The following HPSE2 variants were observed in gnomAD, a reference collection of about 807,000 sequenced individuals.
HPSE2 encodes the protein heparanase 2 (inactive), also known as inactive heparanase-2.
A neutral mutation model predicts 60.5 loss-of-function variants in HPSE2; 38 were observed. The ratio of observed to expected loss-of-function variants is 0.63; its 90% CI spans 0.48 to 0.82. The LOEUF is 0.82. Ranked by LOEUF, HPSE2 falls within the 40% of genes least tolerant of loss-of-function variation. The probability of loss-of-function intolerance (pLI) is 0.00; values close to 1 mark genes in which losing one functional copy is unlikely to be tolerated. For synonymous variants in HPSE2, 295 were observed against 293.2 expected (o/e 1.01, Z -0.06); for missense variants, 713 against 740.4 (o/e 0.96, Z 0.43).
At chr10:99,011,342 T>G (rs576650025) in intron 3 of HPSE2, among the ~76,000 whole-genome samples, 10 of 152,196 alleles carry the variant, frequency 6.6e-5, no homozygotes, top group Non-Finnish European at 1.2e-4. Context: ...GGATCAATAC[T>G]TATAGTATGT....
At chr10:98,759,611 G>C (rs1305076514) in intron 3 of HPSE2, among the ~76,000 whole-genome samples, 7 of 151,946 alleles carry the variant, frequency 4.6e-5, no homozygotes, top group Non-Finnish European at 1.0e-4. Context: ...AAAATGTGTG[G>C]GTTTATTGCT....
At chr10:98,547,808 T>C (rs934837283) in intron 9 of HPSE2, among the ~76,000 whole-genome samples, 40 of 150,014 alleles carry the variant, frequency 2.7e-4, no homozygotes, top group African/African-American at 9.1e-4. Context: ...AGTATAATAA[T>C]AATAAAAAAA....
intron 2 of HPSE2, among the ~76,000 whole-genome samples, chr10:99,153,661 G>A (rs1440422465): frequency 1.3e-5 from 2 of 152,162 alleles, no homozygotes; most frequent in Admixed American, 1.3e-4. Context: ...AAAAAACAGA[G>A]CAGAAAAACT....
At chr10:99,095,064 T>G (rs1389689972) in intron 3 of HPSE2, among the ~76,000 whole-genome samples, 3 of 152,016 alleles carry the variant, frequency 2.0e-5, no homozygotes, top group Non-Finnish European at 4.4e-5. Context: ...GGTGTGTGCC[T>G]GTAGTCCCAT....
At position 98,737,478 on chromosome 10, in the gene HPSE2, C is replaced by T. The variant is rs1475996745; in HGVS notation, c.784+6405G>A. 2.1e-5 allele frequency among the ~76,000 whole-genome samples: 2 copies of T among 94,780 alleles called. 1 individual carries two copies. Among genetic ancestry groups the T allele is most frequent in the African/African-American group, 7.1e-5 (2 of 28,362 alleles). 62.2% of individuals were successfully genotyped at this position (94,780 alleles called of 152,430 possible). A position where few individuals can be genotyped will look rare whatever the true frequency, so the allele number is the denominator to read the frequency against. On this transcript the variant is annotated intron_variant, in intron 4 of 11. Coordinates refer to ENST00000370552, the MANE Select transcript of HPSE2 (RefSeq NM_021828.5). The stretch of plus-strand genomic sequence containing the variant: ...CTGGGCCAGCAAGCACTATCCATCA[C>T]AGCATAGTCCCTCATGGCTTCTCTT...
intron 7 of HPSE2, among the ~76,000 whole-genome samples, chr10:98,635,416 T>C (rs984570004): frequency 9.9e-5 from 15 of 152,262 alleles, no homozygotes; most frequent in Middle Eastern, 3.4e-3. Context: ...GCCAAAGAGA[T>C]ACCTGCACTC....
chr10:98,524,005 T>G (rs923489552), intron 9 of HPSE2, among the ~76,000 whole-genome samples: 6 of 152,206 alleles, frequency 3.9e-5, no homozygotes, highest in Non-Finnish European at 8.8e-5. Context: ...AGTGAAGGAT[T>G]TCTGCTCCAC....
chr10:99,089,658 CT>C (rs367910031), intron 3 of HPSE2, among the ~76,000 whole-genome samples: 3 of 151,804 alleles, frequency 2.0e-5, no homozygotes, highest in Admixed American at 1.3e-4. Flanking sequence ...TATCTGAGCT[CT>C]TTTTTTTGGC....
At chr10:98,764,209 A>G (rs1336092224) in intron 3 of HPSE2, among the ~76,000 whole-genome samples, 1 of 152,200 alleles carries the variant, frequency 6.6e-6, no homozygotes, top group East Asian at 1.9e-4. Context: ...AAGGTTATGT[A>G]TGTATTTTTT....
chr10:98,618,056 C>T (rs111448024), intron 8 of HPSE2, among the ~76,000 whole-genome samples: 2,362 of 152,230 alleles, frequency 0.016, 78 homozygotes, highest in African/African-American at 0.053. Flanking sequence ...CCCCCCGCCA[C>T]GACAGGAAGC....
intron 3 of HPSE2, among the ~76,000 whole-genome samples, chr10:98,811,208 G>A (rs1186556702): frequency 2.0e-5 from 3 of 152,074 alleles, no homozygotes; most frequent in African/African-American, 7.2e-5. Context: ...ACTTTGTCAA[G>A]AAAGACTTGA....
chr10:99,291,449 T>C, the HPSE2 span, among the ~76,000 whole-genome samples: 4 of 152,100 alleles, frequency 2.6e-5, no homozygotes, highest in African/African-American at 9.7e-5. Flanking sequence ...CTGGGTATGG[T>C]GGCACTTGCC....
chr10:99,271,521 C>G, the HPSE2 span, among the ~76,000 whole-genome samples: 1 of 152,146 alleles, frequency 6.6e-6, no homozygotes, highest in African/African-American at 2.4e-5. Context: ...GAAACACATC[C>G]CATGCTCATG....
At chr10:99,314,126 G>A in the HPSE2 span, among the ~76,000 whole-genome samples, 2 of 152,140 alleles carry the variant, frequency 1.3e-5, no homozygotes, top group Non-Finnish European at 1.5e-5. Context: ...ACTTACTGAA[G>A]GCTCAGATGA....
chr10:98,852,113 A>ATATGTGTG (rs779720749), intron 3 of HPSE2, among the ~76,000 whole-genome samples: 174 of 91,908 alleles, frequency 1.9e-3, no homozygotes, highest in African/African-American at 5.5e-3. Flanking sequence ...GTATATTATG[A>ATATGTGTG]TGTGTGTGTG....
At chr10:98,506,608 C>A (rs531403787) in intron 9 of HPSE2, among the ~76,000 whole-genome samples, 1 of 152,198 alleles carries the variant, frequency 6.6e-6, no homozygotes, top group African/African-American at 2.4e-5. Context: ...AGGTGTGCAC[C>A]ACTATACCCA....
chr10:99,143,945 A>T (rs773981654), intron 3 of HPSE2, among the ~76,000 whole-genome samples: 1 of 152,214 alleles, frequency 6.6e-6, no homozygotes, highest in Non-Finnish European at 1.5e-5. Flanking sequence ...TTCTTAAAAG[A>T]CACCAAATTT....
At chr10:98,682,373 T>C (rs1455054144) in intron 6 of HPSE2, among the ~76,000 whole-genome samples, 1 of 152,202 alleles carries the variant, frequency 6.6e-6, no homozygotes, top group African/African-American at 2.4e-5. Flanking sequence ...CTCTTTTCTT[T>C]ATAAGTTACT....
chr10:99,154,732 G>C (rs549203536), intron 2 of HPSE2, among the ~76,000 whole-genome samples: 1 of 151,186 alleles, frequency 6.6e-6, no homozygotes, highest in African/African-American at 2.4e-5. Context: ...ATAATGACAG[G>C]ATCAAATTCA....
Sources: allele counts gnomAD v4.1 joint callset (sites outside exome capture counted in the v4.1 genomes callset), GRCh38; gene constraint gnomAD v4.1.1; transcripts MANE v1.5; gene names NCBI Gene and HGNC (gene_info 2026-07-23, HGNC 2026-07-21).